The following DPY19L3 variants were observed in gnomAD, a reference collection of about 807,000 sequenced individuals.
The protein encoded by DPY19L3 is protein C-mannosyl-transferase DPY19L3.
A neutral mutation model predicts 92.3 loss-of-function variants in DPY19L3; 51 were observed. The ratio of observed to expected loss-of-function variants is 0.55; its 90% CI spans 0.44 to 0.70. DPY19L3 has a LOEUF of 0.70. DPY19L3 is among the 30% of genes least tolerant of loss of function. The pLI is 0.00. For synonymous variants in DPY19L3, 309 were observed against 315.2 expected (o/e 0.98, Z 0.21); for missense variants, 706 against 855.9 (o/e 0.82, Z 2.18).
rs370204689 is a variant in DPY19L3, at chr19:32,414,011, G to A, written c.237+2639G>A. On this transcript the variant is annotated intron_variant, in intron 3 of 18. Transcript: ENST00000392250. ...AATATTGGGATTATAGGTGTGAGCC[G>A]CTATGCCCACCTATCTCTTTAAAAT... Among the ~76,000 whole-genome samples the A allele has an allele frequency of 5.5e-4, 84 of 152,102 alleles. 1 individual carries two copies. In the South Asian group the frequency reaches 0.016, roughly 29 times the overall value.
chr19:32,444,440 G>C (rs1028703015), intron 8 of DPY19L3, among the ~76,000 whole-genome samples: 4 of 152,068 alleles, frequency 2.6e-5, no homozygotes, highest in African/African-American at 9.7e-5. Flanking sequence ...AAACAAAAAT[G>C]AACAGAGCCT....
chr19:32,452,780 G>T (rs1367586707), intron 8 of DPY19L3, among the ~76,000 whole-genome samples: 1 of 151,948 alleles, frequency 6.6e-6, no homozygotes, highest in East Asian at 1.9e-4. Flanking sequence ...TGCAGCCTCT[G>T]CCTCCCAGGC....
At chr19:32,458,777 T>C (rs1969948802) in intron 12 of DPY19L3, among the ~76,000 whole-genome samples, 1 of 152,198 alleles carries the variant, frequency 6.6e-6, no homozygotes, top group Non-Finnish European at 1.5e-5. Context: ...CCTTTTGATA[T>C]GTCCATTTCC....
chr19:32,409,920 G>A (rs945925233), intron 2 of DPY19L3, among the ~76,000 whole-genome samples: 6 of 152,154 alleles, frequency 3.9e-5, no homozygotes, highest in African/African-American at 1.2e-4. Flanking sequence ...ATTTGGAGGG[G>A]CCGAATAGTC....
rs929491719 is a variant in DPY19L3 at position 32,450,813 on chromosome 19, A to C, written c.856-2332A>C. Among the ~76,000 whole-genome samples the C allele has an allele frequency of 4.6e-5, 7 of 152,310 alleles. No individual in the cohort carries two copies. The East Asian group carries it at 1.2e-3, about 25-fold the overall frequency. Reference sequence around the variant, plus strand: ...GAGAGTTGCACAACTCTATGAATATACCAAAAATCATGAAGCACACTTTAA... The same window carrying C: ...GAGAGTTGCACAACTCTATGAATATCCCAAAAATCATGAAGCACACTTTAA... On this transcript the variant is annotated intron_variant, in intron 8 of 18. Coordinates refer to ENST00000392250, the MANE Select transcript of DPY19L3 (RefSeq NM_001172774.2).
At chr19:32,433,315 C>T (rs1969030100) in intron 4 of DPY19L3, among the ~76,000 whole-genome samples, 1 of 152,230 alleles carries the variant, frequency 6.6e-6, no homozygotes, top group Non-Finnish European at 1.5e-5. Flanking sequence ...CTAGTACATA[C>T]TTGATCGGCT....
chr19:32,426,486 C>T (rs1324100787), intron 3 of DPY19L3, among the ~76,000 whole-genome samples: 2 of 152,218 alleles, frequency 1.3e-5, no homozygotes, highest in African/African-American at 4.8e-5. Flanking sequence ...ACTAACTTAT[C>T]ATCTCTAGCT....
chr19:32,416,050 C>G (rs2145414062), intron 3 of DPY19L3, among the ~76,000 whole-genome samples: 1 of 152,256 alleles, frequency 6.6e-6, no homozygotes, highest in African/African-American at 2.4e-5. Flanking sequence ...ATGAACTTGG[C>G]AAATCCAGGA....
intron 16 of DPY19L3, among the ~76,000 whole-genome samples, chr19:32,469,494 TAAA>T (rs1189739601): frequency 2.4e-5 from 3 of 124,242 alleles, no homozygotes; most frequent in Non-Finnish European, 3.5e-5. Flanking sequence ...AGACTCTCTC[TAAA>T]AAAAAAAAAA....
chr19:32,456,524 C>T (rs1969871935), intron 10 of DPY19L3, among the ~76,000 whole-genome samples: 1 of 151,644 alleles, frequency 6.6e-6, no homozygotes, highest in East Asian at 1.9e-4. Context: ...GCAGTCTTGA[C>T]CTCCTGGGCT....
rs1969520625 is a variant in DPY19L3, at chr19:32,446,969, A to G, written c.856-6176A>G. Among the ~76,000 whole-genome samples, 4 of 152,220 alleles carry G rather than the reference A, an allele frequency of 2.6e-5. No individual in the cohort carries two copies. In the South Asian group the frequency reaches 8.3e-4, roughly 32 times the overall value. ...CAGACTATCTCCCGAGCCATAAAAC[A>G]ACGACAAACATAAAAGAATTAGGAT... On this transcript the variant is annotated intron_variant, in intron 8 of 18. Transcript: ENST00000392250.
chr19:32,459,945 AC>A (rs749461809), intron 12 of DPY19L3, among the ~76,000 whole-genome samples: 1 of 152,204 alleles, frequency 6.6e-6, no homozygotes, highest in Non-Finnish European at 1.5e-5. Context: ...CAGTATACTT[AC>A]ACAAACATAG....
chr19:32,430,522 A>G (rs987825461), intron 3 of DPY19L3, among the ~76,000 whole-genome samples: 6 of 152,210 alleles, frequency 3.9e-5, no homozygotes, highest in African/African-American at 1.4e-4. Flanking sequence ...AAAAGGAATT[A>G]ACAAACAATG....
chr19:32,473,567 A>G (rs1970416417), intron 16 of DPY19L3, among the ~76,000 whole-genome samples: 1 of 152,218 alleles, frequency 6.6e-6, no homozygotes, highest in Non-Finnish European at 1.5e-5. Flanking sequence ...AGTGAATATA[A>G]GTATCTTTTT....
intron 8 of DPY19L3, among the ~76,000 whole-genome samples, chr19:32,443,600 G>A (rs952593175): frequency 6.6e-6 from 1 of 152,144 alleles, no homozygotes; most frequent in Non-Finnish European, 1.5e-5. Flanking sequence ...CCAGCCTCCG[G>A]AACTATGAGA....
chr19:32,414,214 A>G (rs1032541934), intron 3 of DPY19L3, among the ~76,000 whole-genome samples: 1 of 152,050 alleles, frequency 6.6e-6, no homozygotes, highest in Non-Finnish European at 1.5e-5. Context: ...AGGTTAGGAA[A>G]TTGAGACCAT....
At chr19:32,446,240 G>A (rs555854677) in intron 8 of DPY19L3, among the ~76,000 whole-genome samples, 6 of 151,950 alleles carry the variant, frequency 3.9e-5, no homozygotes, top group African/African-American at 7.2e-5. Flanking sequence ...ATACGAAGCA[G>A]TACATGAAAA....
intron 7 of DPY19L3, 48 bp downstream of exon 7, chr19:32,439,283 A>G (rs1417914397): frequency 2.5e-6 from 4 of 1,570,920 alleles, no homozygotes; most frequent in African/African-American, 1.4e-5. Flanking sequence ...AATTTTATAT[A>G]TGAAGCTTCA....
intron 3 of DPY19L3, chr19:32,412,201 T>TCATTA (rs1968208592): frequency 6.6e-6 from 1 of 152,206 alleles, no homozygotes; most frequent in South Asian, 2.1e-4. Flanking sequence ...TTTTTCTTTT[T>TCATTA]CATTAACTTA....
Sources: allele counts gnomAD v4.1 joint callset (sites outside exome capture counted in the v4.1 genomes callset), GRCh38; gene constraint gnomAD v4.1.1; transcripts MANE v1.5; gene names NCBI Gene and HGNC (gene_info 2026-07-23, HGNC 2026-07-21).